SORCS3: variants seen among roughly 807,000 people sequenced by gnomAD.
SORCS3 encodes the protein sortilin related VPS10 domain containing receptor 3.
SORCS3 carries 57 observed loss-of-function variants against 146.3 expected under a neutral mutation model. The ratio of observed to expected loss-of-function variants is 0.39; its 90% CI spans 0.31 to 0.49. SORCS3 has a LOEUF of 0.49. SORCS3 is among the 20% of genes least tolerant of loss of function. The pLI, the probability that SORCS3 is intolerant of heterozygous loss-of-function variation, is 0.92. For synonymous variants in SORCS3, 653 were observed against 618.5 expected (o/e 1.06, Z -0.83); for missense variants, 1,341 against 1,575.5 (o/e 0.85, Z 2.52).
intron 2 of SORCS3, among the ~76,000 whole-genome samples, chr10:104,915,166 G>T (rs2019012014): frequency 6.6e-6 from 1 of 152,150 alleles, no homozygotes; most frequent in Non-Finnish European, 1.5e-5. Flanking sequence ...GAAAGGAGGA[G>T]CAGGTAGCCA....
At chr10:105,226,993 CA>C (rs1461451798) in intron 20 of SORCS3, among the ~76,000 whole-genome samples, 2 of 151,696 alleles carry the variant, frequency 1.3e-5, no homozygotes, top group South Asian at 2.1e-4. Context: ...TTTATCTTTT[CA>C]AAAAAACCAC....
intron 6 of SORCS3, among the ~76,000 whole-genome samples, chr10:105,090,845 G>A (rs749538740): frequency 6.6e-5 from 10 of 152,164 alleles, no homozygotes; most frequent in Non-Finnish European, 1.2e-4. Context: ...ATAAATGGAA[G>A]GCGATTCTGT....
chr10:104,801,568 T>TAGTG (rs1424791764), intron 1 of SORCS3, among the ~76,000 whole-genome samples: 1 of 152,158 alleles, frequency 6.6e-6, no homozygotes, highest in African/African-American at 2.4e-5. Flanking sequence ...GCTGTGAACA[T>TAGTG]AGTGAGGACT....
At chr10:104,785,582 A>C (rs1250947065) in intron 1 of SORCS3, among the ~76,000 whole-genome samples, 2 of 56,024 alleles carry the variant, frequency 3.6e-5, no homozygotes, top group Non-Finnish European at 6.6e-5. Flanking sequence ...TATCAATAAA[A>C]AAATAAATTA....
chr10:105,162,976 C>A (rs567640682), intron 11 of SORCS3, among the ~76,000 whole-genome samples: 1 of 151,962 alleles, frequency 6.6e-6, no homozygotes, highest in African/African-American at 2.4e-5. Context: ...ATATTCTCCT[C>A]CCCATTTCCC....
chr10:104,800,135 G>A (rs2017607989), intron 1 of SORCS3, among the ~76,000 whole-genome samples: 1 of 152,088 alleles, frequency 6.6e-6, no homozygotes, highest in Non-Finnish European at 1.5e-5. Context: ...CCAGACGATG[G>A]AAGCCTTAAG....
chr10:105,177,691 C>G (rs1163352877), intron 13 of SORCS3, among the ~76,000 whole-genome samples: 4 of 152,084 alleles, frequency 2.6e-5, no homozygotes, highest in African/African-American at 9.7e-5. Context: ...TCCATTGGGT[C>G]CACCAGCCTT....
chr10:104,788,223 C>A (rs2017459835), intron 1 of SORCS3, among the ~76,000 whole-genome samples: 1 of 152,048 alleles, frequency 6.6e-6, no homozygotes, highest in African/African-American at 2.4e-5. Context: ...TAAAACGGAG[C>A]CAAAAGGCCA....
At chr10:104,729,479 C>T (rs2016681784) in intron 1 of SORCS3, among the ~76,000 whole-genome samples, 1 of 152,136 alleles carries the variant, frequency 6.6e-6, no homozygotes, top group African/African-American at 2.4e-5. Context: ...ATGTAGGTGA[C>T]ATGAAGATGG....
chr10:105,180,939 T>A (rs1279722124), intron 14 of SORCS3, among the ~76,000 whole-genome samples: 6 of 152,206 alleles, frequency 3.9e-5, no homozygotes, highest in Non-Finnish European at 8.8e-5. Context: ...CTTTAGATAA[T>A]AAATGTTAAT....
At chr10:104,689,159 C>T (rs1404781097) in intron 1 of SORCS3, among the ~76,000 whole-genome samples, 1 of 152,194 alleles carries the variant, frequency 6.6e-6, no homozygotes, top group Non-Finnish European at 1.5e-5. Context: ...CCTGGAGCTC[C>T]AGGTAAATAA....
At chr10:105,077,505 G>A (rs552159859) in intron 5 of SORCS3, among the ~76,000 whole-genome samples, 3 of 143,636 alleles carry the variant, frequency 2.1e-5, no homozygotes, top group South Asian at 2.3e-4. Context: ...CTGGTTGCAC[G>A]AAACTGACTA....
intron 2 of SORCS3, among the ~76,000 whole-genome samples, chr10:104,900,253 C>G (rs1319894002): frequency 1.3e-5 from 2 of 152,172 alleles, no homozygotes; most frequent in African/African-American, 4.8e-5. Context: ...AGAATTCTCT[C>G]AGGCACTCAG....
chr10:104,871,486 G>A (rs778285938), intron 2 of SORCS3, among the ~76,000 whole-genome samples: 9 of 152,324 alleles, frequency 5.9e-5, no homozygotes, highest in Admixed American at 2.6e-4. Flanking sequence ...AGCTCTGGGC[G>A]TTTGGCAATG....
chr10:105,198,624 C>CAG (rs1173871614), intron 14 of SORCS3, among the ~76,000 whole-genome samples: 17 of 152,226 alleles, frequency 1.1e-4, no homozygotes, highest in Admixed American at 1.1e-3. Context: ...TACAAGAGAA[C>CAG]AGAGAGAACC....
chr10:105,147,854 T>C (rs2056143044), intron 9 of SORCS3, 58 bp downstream of exon 9: 2 of 1,457,304 alleles, frequency 1.4e-6, no homozygotes, highest in Non-Finnish European at 9.4e-7. Flanking sequence ...TGAGTTTTAA[T>C]GGTATAAACA....
At position 104,956,167 on chromosome 10, in the gene SORCS3, A is replaced by G. The variant is rs1020214117; in HGVS notation, c.796-21168A>G. On this transcript the variant is annotated intron_variant, in intron 3 of 26. Transcript: ENST00000369701. Reference sequence around the variant, plus strand: ...TTTCAGGAATATAAGCACTCTGGGGACATGGGGCTGGAACATTCTATTGGA... The same window carrying G: ...TTTCAGGAATATAAGCACTCTGGGGGCATGGGGCTGGAACATTCTATTGGA... Among the ~76,000 whole-genome samples the G allele has an allele frequency of 2.0e-5, 3 of 152,184 alleles. 1 individual carries two copies. The highest frequency in any genetic ancestry group is 4.1e-4 in the South Asian group (2 of 4,828).
At chr10:104,766,623 C>G (rs1030489783) in intron 1 of SORCS3, among the ~76,000 whole-genome samples, 39 of 152,220 alleles carry the variant, frequency 2.6e-4, no homozygotes, top group Admixed American at 3.9e-4. Flanking sequence ...TTGGAGGATG[C>G]TGTCCTCCTT....
chr10:105,199,545 A>G (rs971403594), intron 14 of SORCS3, among the ~76,000 whole-genome samples: 4 of 152,164 alleles, frequency 2.6e-5, no homozygotes, highest in East Asian at 1.9e-4. Flanking sequence ...CCCAACACAT[A>G]TACTTACAAT....
Sources: allele counts gnomAD v4.1 joint callset (sites outside exome capture counted in the v4.1 genomes callset), GRCh38; gene constraint gnomAD v4.1.1; transcripts MANE v1.5; gene names NCBI Gene and HGNC (gene_info 2026-07-23, HGNC 2026-07-21).